KCNQ5: variants seen among roughly 807,000 people sequenced by gnomAD.
KCNQ5 encodes potassium voltage-gated channel subfamily KQT member 5.
KCNQ5 carries 30 observed loss-of-function variants against 98.2 expected under a neutral mutation model. The ratio of observed to expected loss-of-function variants is 0.31; its 90% CI spans 0.23 to 0.41. The LOEUF is 0.41. Ranked by LOEUF, KCNQ5 falls within the 10% of genes least tolerant of loss-of-function variation. The pLI is 1.00. For missense variants in KCNQ5, 835 were observed against 1,182.5 expected, an observed-to-expected ratio of 0.71 and a Z score of 4.31; for synonymous variants, 458 against 449.4, an observed-to-expected ratio of 1.02 and a Z score of -0.24.
chr6:73,153,036 AG>A (rs1355564939), intron 10 of KCNQ5, among the ~76,000 whole-genome samples: 4 of 152,184 alleles, frequency 2.6e-5, no homozygotes, highest in African/African-American at 9.7e-5. Context: ...CTGCTGGAAT[AG>A]GAGAGGACCA....
chr6:72,768,860 C>A (rs1262928130), intron 1 of KCNQ5, among the ~76,000 whole-genome samples: 2 of 151,942 alleles, frequency 1.3e-5, no homozygotes, highest in African/African-American at 4.8e-5. Context: ...CATCGTGTCC[C>A]AATCTGGGAT....
intron 1 of KCNQ5, among the ~76,000 whole-genome samples, chr6:72,836,605 A>AT (rs539753241): frequency 1.1e-3 from 165 of 147,946 alleles, no homozygotes; most frequent in Non-Finnish European, 1.3e-3. Context: ...CACTCTGCTA[A>AT]TTTTTTTTTT....
At chr6:73,035,546 A>T (rs929198063) in intron 2 of KCNQ5, among the ~76,000 whole-genome samples, 1 of 152,210 alleles carries the variant, frequency 6.6e-6, no homozygotes, top group South Asian at 2.1e-4. Context: ...AACTTGTCTC[A>T]TGGCTTACCC....
intron 1 of KCNQ5, among the ~76,000 whole-genome samples, chr6:72,719,944 T>C (rs1299546031): frequency 1.3e-5 from 2 of 152,240 alleles, no homozygotes; most frequent in Non-Finnish European, 2.9e-5. Flanking sequence ...AAATCTCATA[T>C]TTCCCTTCAT....
intron 1 of KCNQ5, among the ~76,000 whole-genome samples, chr6:72,925,315 A>T (rs987919880): frequency 2.6e-5 from 4 of 152,204 alleles, no homozygotes; most frequent in Admixed American, 1.3e-4. Context: ...CAAATCTGTC[A>T]ACTCAGTAAA....
At position 73,066,426 on chromosome 6, in the gene KCNQ5, A is replaced by G. The variant is rs200211190; in HGVS notation, c.617-10896A>G. Among the ~76,000 whole-genome samples, 14 of 152,308 alleles carry G rather than the reference A, an allele frequency of 9.2e-5. No homozygotes were observed. The East Asian group carries it at 2.7e-3, about 29-fold the overall frequency. On this transcript the variant is annotated intron_variant, in intron 3 of 13. Coordinates refer to ENST00000370398, the MANE Select transcript of KCNQ5 (RefSeq NM_019842.4). ...GAGAACATAAGCTCCATGAGGGCAG[A>G]AAACTCTTCTCTTTTATTCACTGCT... is the stretch of plus-strand genomic sequence containing the variant.
At chr6:72,997,917 C>G (rs544622635) in intron 1 of KCNQ5, among the ~76,000 whole-genome samples, 5 of 151,772 alleles carry the variant, frequency 3.3e-5, no homozygotes, top group East Asian at 1.9e-4. Flanking sequence ...ATCAATTATT[C>G]CAAATCACCG....
intron 1 of KCNQ5, among the ~76,000 whole-genome samples, chr6:72,784,061 C>T (rs760321896): frequency 4.5e-4 from 69 of 152,240 alleles, no homozygotes; most frequent in Admixed American, 1.6e-3. Flanking sequence ...GCTGCCACAC[C>T]ACCTCTCCTG....
chr6:72,987,546 C>T (rs1768846972), intron 1 of KCNQ5: 5 of 655,742 alleles, frequency 7.6e-6, no homozygotes, highest in South Asian at 7.2e-5. Flanking sequence ...AGCCCCGCAG[C>T]ACGATTGCAA....
In KCNQ5 at chr6:73,022,727, A is replaced by G. The variant is rs150948187; in HGVS notation, c.489+18729A>G. On this transcript the variant is annotated intron_variant, in intron 2 of 13. Transcript: ENST00000370398. Reference sequence around the variant, plus strand: ...TGAGAGGACCTAAGTAAGTAGAATGAAAGCCTAATTGGTTACAAGAGAGGA... The same window carrying G: ...TGAGAGGACCTAAGTAAGTAGAATGGAAGCCTAATTGGTTACAAGAGAGGA... Among the ~76,000 whole-genome samples, 14 of 152,336 alleles carry G rather than the reference A, an allele frequency of 9.2e-5. 1 individual carries two copies. In the East Asian group the frequency reaches 2.7e-3, roughly 29 times the overall value.
intron 2 of KCNQ5, among the ~76,000 whole-genome samples, chr6:73,009,138 C>G (rs562728878): frequency 6.6e-6 from 1 of 152,036 alleles, no homozygotes; most frequent in Admixed American, 6.6e-5. Flanking sequence ...ACTACAGGCA[C>G]GCACCACCAC....
At chr6:72,928,000 T>G (rs2150225598) in intron 1 of KCNQ5, among the ~76,000 whole-genome samples, 1 of 151,980 alleles carries the variant, frequency 6.6e-6, no homozygotes, top group East Asian at 1.9e-4. Context: ...GTCTGGAGAA[T>G]AAATACATGA....
intron 5 of KCNQ5, among the ~76,000 whole-genome samples, chr6:73,090,971 G>T (rs1279247915): frequency 1.3e-5 from 2 of 152,116 alleles, no homozygotes; most frequent in East Asian, 3.9e-4. Flanking sequence ...CCCATTACTG[G>T]GTATATACCC....
At chr6:73,090,767 A>G (rs1483284082) in intron 5 of KCNQ5, among the ~76,000 whole-genome samples, 1 of 152,216 alleles carries the variant, frequency 6.6e-6, no homozygotes, top group African/African-American at 2.4e-5. Context: ...CAAAACCACA[A>G]TGAGATACCA....
Position 72,737,506 on chromosome 6 carries a change from A to G in KCNQ5, c.398+114919A>G, listed in dbSNP as rs1582197189. Among the ~76,000 whole-genome samples the G allele has an allele frequency of 3.9e-5, 6 of 152,020 alleles. No individual in the cohort carries two copies. The South Asian group carries it at 1.2e-3, about 32-fold the overall frequency. On this transcript the variant is annotated intron_variant, in intron 1 of 13. Transcript: ENST00000370398. The stretch of plus-strand genomic sequence containing the variant: ...TCTTGGAAAGCCACCAGCCTGGTGC[A>G]GTTAGAAGCATTTCCTGAGAGTGTC...
At chr6:72,869,580 C>A (rs1396333328) in intron 1 of KCNQ5, among the ~76,000 whole-genome samples, 1 of 151,942 alleles carries the variant, frequency 6.6e-6, no homozygotes, top group East Asian at 1.9e-4. Flanking sequence ...ACAAGCATCG[C>A]CTTTGTAAAG....
intron 7 of KCNQ5, among the ~76,000 whole-genome samples, chr6:73,118,197 A>G (rs1775587136): frequency 6.6e-6 from 1 of 152,222 alleles, no homozygotes; most frequent in Admixed American, 6.5e-5. Context: ...TCACTATCCC[A>G]TAAGGATAAC....
chr6:73,004,063 T>C, intron 2 of KCNQ5, 65 bp downstream of exon 2: 2 of 845,648 alleles, frequency 2.4e-6, no homozygotes, highest in Non-Finnish European at 1.9e-6. Context: ...ACATTTATAC[T>C]ATGCATCTTA....
Position 73,133,605 on chromosome 6 carries a change from C to A in KCNQ5, c.1432C>A (p.Arg478Ser). The change falls in exon 10 of 14, where the codon CGC becomes AGC. Residue 478 changes from arginine (R) to serine (S), a missense_variant. By Grantham distance (110) the Arg-to-Ser change is moderately radical. Coordinates refer to ENST00000370398, the MANE Select transcript of KCNQ5 (RefSeq NM_019842.4). Reference sequence around the variant, plus strand: ...CCGAACCCGCTTCCGGCCCTCGCTGCGCCTCAAAAGTTCTCAGCCAAAACC... The same window carrying A: ...CCGAACCCGCTTCCGGCCCTCGCTGAGCCTCAAAAGTTCTCAGCCAAAACC... ...NDRTRFRPSL[R>S]LKSSQPKPVI... 6.2e-7 allele frequency: 1 copy of A among 1,614,192 alleles called. No individual in the cohort carries two copies. The highest frequency in any genetic ancestry group is 8.5e-7 in the Non-Finnish European group (1 of 1,180,042).
Sources: gnomAD v4.1 joint callset for allele counts (sites outside exome capture counted in the v4.1 genomes callset) on GRCh38, gnomAD v4.1.1 for gene constraint, MANE v1.5 for transcripts, NCBI Gene and HGNC (gene_info 2026-07-23, HGNC 2026-07-21) for gene names.